AK5: variants seen among roughly 807,000 people sequenced by gnomAD.
AK5 encodes adenylate kinase isoenzyme 5.
In AK5, 27 loss-of-function variants were observed where a neutral mutation model predicts 69.5. That is an observed-to-expected ratio of 0.39 (90% confidence interval 0.29 to 0.54). The LOEUF (loss-of-function observed/expected upper bound fraction) is 0.54. AK5 is among the 20% of genes least tolerant of loss of function. The pLI is 0.71. For missense variants in AK5, 531 were observed against 700.4 expected (o/e 0.76, Z 2.73); for synonymous variants, 260 against 244.4 (o/e 1.06, Z -0.60).
intron 7 of AK5, 77 bp from the exon 8 acceptor site, chr1:77,417,562 A>G: frequency 1.2e-6 from 1 of 850,924 alleles, no homozygotes; most frequent in African/African-American, 1.7e-5. Flanking sequence ...AAATATGGAA[A>G]CCTAGTGAGA....
chr1:77,438,650 C>A (rs1293438611), intron 8 of AK5, among the ~76,000 whole-genome samples: 1 of 152,066 alleles, frequency 6.6e-6, no homozygotes, highest in East Asian at 1.9e-4. Context: ...TATAGATGTG[C>A]ATAACCAGAC....
Position 77,537,886 on chromosome 1 carries a change from A to G in AK5, c.1620+1848A>G, listed in dbSNP as rs150118854. Among the ~76,000 whole-genome samples the G allele has an allele frequency of 1.8e-4, 27 of 152,288 alleles. 1 individual carries two copies. The highest frequency in any genetic ancestry group is 6.3e-4 in the African/African-American group (26 of 41,572). ...ATGGCCATTGCTAGTTGATCCCAGC[A>G]CTGTTTCTCAGTCAGCAGGTGTGGC... On this transcript the variant is annotated intron_variant, in intron 13 of 13. Transcript: ENST00000354567.
chr1:77,294,317 G>C (rs1658864747), intron 3 of AK5, among the ~76,000 whole-genome samples: 1 of 152,110 alleles, frequency 6.6e-6, no homozygotes, highest in Non-Finnish European at 1.5e-5. Context: ...AGCTGAATGT[G>C]GTGGTAGTCC....
intron 5 of AK5, among the ~76,000 whole-genome samples, chr1:77,323,957 A>T (rs1375835329): frequency 6.6e-6 from 1 of 152,232 alleles, no homozygotes; most frequent in Non-Finnish European, 1.5e-5. Context: ...TGTGAGAATG[A>T]TTACATTTCA....
intron 8 of AK5, among the ~76,000 whole-genome samples, chr1:77,465,637 G>A (rs1654095566): frequency 6.6e-6 from 1 of 152,138 alleles, no homozygotes; most frequent in African/African-American, 2.4e-5. Flanking sequence ...TTACACCGAT[G>A]CTTAAACAGA....
intron 8 of AK5, among the ~76,000 whole-genome samples, chr1:77,475,374 TA>T (rs1654811393): frequency 9.5e-6 from 1 of 105,772 alleles, no homozygotes; most frequent in Admixed American, 1.2e-4. Flanking sequence ...TATACAAATA[TA>T]TATTATATAT....
intron 5 of AK5, among the ~76,000 whole-genome samples, chr1:77,310,499 C>T (rs770435931): frequency 7.2e-5 from 11 of 152,090 alleles, no homozygotes; most frequent in Non-Finnish European, 1.2e-4. Flanking sequence ...CCCGCCTCAG[C>T]CTCCCGAGTA....
chr1:77,287,510 G>C (rs1658425946), intron 2 of AK5, among the ~76,000 whole-genome samples: 1 of 152,174 alleles, frequency 6.6e-6, no homozygotes, highest in Non-Finnish European at 1.5e-5. Flanking sequence ...TTATTAGCTA[G>C]AAAGAGATTT....
chr1:77,285,995 C>T lies in AK5; in HGVS notation c.61-946C>T, dbSNP rs577827621. ...TTTAGAAGAAAGACTATTGCATAAC[C>T]GAATGGTTTCAGTATAAATGACAAG... is the stretch of plus-strand genomic sequence containing the variant. On this transcript the variant is annotated intron_variant, in intron 1 of 13. Transcript: ENST00000354567. Among the ~76,000 whole-genome samples, 11 of 152,056 alleles carry T rather than the reference C, an allele frequency of 7.2e-5. No individual in the cohort carries two copies. The South Asian group carries it at 1.7e-3, about 23-fold the overall frequency.
At chr1:77,360,369 C>A (rs927284259) in intron 6 of AK5, among the ~76,000 whole-genome samples, 4 of 152,114 alleles carry the variant, frequency 2.6e-5, no homozygotes, top group African/African-American at 9.7e-5. Context: ...AGAAGTCAAG[C>A]AAGATGAGGA....
intron 6 of AK5, among the ~76,000 whole-genome samples, chr1:77,365,629 C>A (rs541437442): frequency 6.6e-6 from 1 of 152,294 alleles, no homozygotes; most frequent in African/African-American, 2.4e-5. Context: ...ACCTAGATCC[C>A]TTGCATGTGC....
intron 10 of AK5, among the ~76,000 whole-genome samples, chr1:77,502,488 G>A (rs1482635270): frequency 1.3e-5 from 2 of 152,160 alleles, no homozygotes; most frequent in Non-Finnish European, 2.9e-5. Flanking sequence ...ATTTCAGAGA[G>A]CCTTGTGCCC....
intron 6 of AK5, among the ~76,000 whole-genome samples, chr1:77,403,307 C>T (rs1375621953): frequency 3.9e-5 from 6 of 152,106 alleles, no homozygotes; most frequent in Non-Finnish European, 7.4e-5. Flanking sequence ...TTAATTAGAT[C>T]CCATTTGTCA....
At chr1:77,503,946 TTAGTC>T (rs2100269390) in intron 10 of AK5, among the ~76,000 whole-genome samples, 1 of 151,692 alleles carries the variant, frequency 6.6e-6, no homozygotes, top group African/African-American at 2.4e-5. Context: ...TTTTCACTGT[TTAGTC>T]TAGTCCTGCC....
intron 2 of AK5, among the ~76,000 whole-genome samples, chr1:77,292,708 A>C (rs1409364431): frequency 6.6e-6 from 1 of 152,188 alleles, no homozygotes; most frequent in Non-Finnish European, 1.5e-5. Flanking sequence ...TTTCTGACTC[A>C]GAGTCTTTGT....
intron 13 of AK5, among the ~76,000 whole-genome samples, chr1:77,536,627 G>C (rs959414955): frequency 6.6e-6 from 1 of 152,340 alleles, no homozygotes; most frequent in East Asian, 1.9e-4. Context: ...AAAAGAGAGA[G>C]AGGGAGAGAG....
chr1:77,293,753 G>GGTGTTTTT, intron 2 of AK5, 40 bp from the exon 3 acceptor site: 1 of 1,517,768 alleles, frequency 6.6e-7, no homozygotes, highest in African/African-American at 1.4e-5. Flanking sequence ...GTTTTATTAT[G>GGTGTTTTT]GTGTTTTTTC....
At chr1:77,527,318 C>T (rs1658344077) in intron 12 of AK5, among the ~76,000 whole-genome samples, 1 of 152,158 alleles carries the variant, frequency 6.6e-6, no homozygotes, top group Non-Finnish European at 1.5e-5. Flanking sequence ...GCTCAGAGCT[C>T]TATGCAGCCC....
At position 77,484,764 on chromosome 1, in the gene AK5, C is replaced by G. The variant is rs937430671; in HGVS notation, c.1102+1405C>G. ...CATTTTGGTACATTTCATTCCAATG[C>G]ATTGCCTATATATCTATTTTTACAT... On this transcript the variant is annotated intron_variant, in intron 9 of 13. Transcript: ENST00000354567. 8.5e-5 allele frequency among the ~76,000 whole-genome samples: 13 copies of G among 152,246 alleles called. 1 individual carries two copies. In the South Asian group the frequency reaches 2.1e-3, roughly 24 times the overall value.
Sources: gnomAD v4.1 joint callset for allele counts (sites outside exome capture counted in the v4.1 genomes callset) on GRCh38, gnomAD v4.1.1 for gene constraint, MANE v1.5 for transcripts, NCBI Gene and HGNC (gene_info 2026-07-23, HGNC 2026-07-21) for gene names.